Variants in GNA14 observed in about 807,000 individuals in gnomAD.
GNA14 encodes the protein G protein subunit alpha 14.
GNA14 carries 50 observed loss-of-function variants against 42.0 expected under a neutral mutation model. That is an observed-to-expected ratio of 1.19 (90% confidence interval 0.95 to 1.51). The LOEUF (loss-of-function observed/expected upper bound fraction) is 1.51. Among genes scored for constraint, GNA14 ranks in the 40% most tolerant of loss-of-function variants. The pLI is 0.00. For synonymous variants in GNA14, 173 were observed against 163.1 expected (o/e 1.06, Z -0.46); for missense variants, 473 against 446.2 (o/e 1.06, Z -0.54).
intron 2 of GNA14, among the ~76,000 whole-genome samples, chr9:77,500,780 G>GT (rs1467952490): frequency 6.6e-6 from 1 of 152,172 alleles, no homozygotes; most frequent in Non-Finnish European, 1.5e-5. Flanking sequence ...TGTGTAAATA[G>GT]TTTATTCTCA....
Position 77,431,413 on chromosome 9 carries a change from T to A in GNA14, c.501A>T (p.Ser167=), listed in dbSNP as rs201125691. 6.2e-7 allele frequency: 1 copy of A among 1,613,826 alleles called. No homozygotes were observed. The highest frequency in any genetic ancestry group is 8.5e-7 in the Non-Finnish European group (1 of 1,179,798). ...GCACATCTTGTTGGGTAGGCACGAA[T>A]GATGGTGTGGCGATGCGGTCAATGT... The part of the protein sequence containing the change: ...LTDIDRIATP[S]FVPTQQDVLR... Residue 167 remains serine, a synonymous_variant, in exon 4 of 7, where the codon TCA becomes TCT. Transcript: ENST00000341700.
chr9:77,521,906 C>T (rs1432881498), intron 2 of GNA14, among the ~76,000 whole-genome samples: 16 of 152,168 alleles, frequency 1.1e-4, no homozygotes, highest in Non-Finnish European at 1.6e-4. Flanking sequence ...GATCTTGGCT[C>T]ACTGCAACCT....
intron 2 of GNA14, among the ~76,000 whole-genome samples, chr9:77,499,453 T>C (rs1194224275): frequency 2.6e-5 from 4 of 152,048 alleles, no homozygotes; most frequent in African/African-American, 4.8e-5. Flanking sequence ...TCCATCTACA[T>C]TGTGTACATC....
intron 2 of GNA14, among the ~76,000 whole-genome samples, chr9:77,512,442 G>T (rs1176276582): frequency 6.6e-6 from 1 of 152,102 alleles, no homozygotes; most frequent in East Asian, 1.9e-4. Flanking sequence ...ACTTACCTCT[G>T]CAGAGATAAT....
At chr9:77,619,293 G>A (rs1823884771) in intron 1 of GNA14, among the ~76,000 whole-genome samples, 2 of 152,098 alleles carry the variant, frequency 1.3e-5, no homozygotes, top group Non-Finnish European at 2.9e-5. Flanking sequence ...TGCAACCTCC[G>A]CCTCCTGGGT....
At chr9:77,589,939 T>TAA (rs894475176) in intron 1 of GNA14, among the ~76,000 whole-genome samples, 97 of 152,278 alleles carry the variant, frequency 6.4e-4, no homozygotes, top group African/African-American at 2.3e-3. Context: ...TGTTTTGAGA[T>TAA]AGAGTCTTGC....
chr9:77,577,443 G>C (rs1397631519), intron 1 of GNA14, among the ~76,000 whole-genome samples: 1 of 152,158 alleles, frequency 6.6e-6, no homozygotes, highest in Non-Finnish European at 1.5e-5. Flanking sequence ...TATTTAACAA[G>C]TGGGTCTCAT....
At chr9:77,490,011 C>T (rs766271618) in intron 2 of GNA14, among the ~76,000 whole-genome samples, 13 of 151,992 alleles carry the variant, frequency 8.6e-5, no homozygotes, top group Non-Finnish European at 1.8e-4. Context: ...CTGATTGGTG[C>T]GTTTACAATC....
At chr9:77,459,815 C>T (rs574768364) in intron 2 of GNA14, among the ~76,000 whole-genome samples, 1 of 152,308 alleles carries the variant, frequency 6.6e-6, no homozygotes, top group Admixed American at 6.5e-5. Flanking sequence ...TCTCACAGCC[C>T]ACGGGGCCTA....
intron 1 of GNA14, among the ~76,000 whole-genome samples, chr9:77,611,513 C>T (rs1823731148): frequency 6.6e-6 from 1 of 152,140 alleles, no homozygotes; most frequent in African/African-American, 2.4e-5. Context: ...AAAGGAGAGT[C>T]CCTAAGAAGA....
chr9:77,639,788 T>C (rs991250759), intron 1 of GNA14, among the ~76,000 whole-genome samples: 2 of 152,214 alleles, frequency 1.3e-5, no homozygotes, highest in Non-Finnish European at 2.9e-5. Flanking sequence ...TCCACTCTAA[T>C]AAATTATTAC....
At chr9:77,589,053 G>A (rs528859266) in intron 1 of GNA14, among the ~76,000 whole-genome samples, 2 of 152,146 alleles carry the variant, frequency 1.3e-5, no homozygotes, top group African/African-American at 4.8e-5. Context: ...ATTTCATACA[G>A]ACCCTTCAAT....
chr9:77,516,887 C>G (rs1298586120), intron 2 of GNA14, among the ~76,000 whole-genome samples: 1 of 152,172 alleles, frequency 6.6e-6, no homozygotes, highest in Non-Finnish European at 1.5e-5. Context: ...GACAACCTGT[C>G]TCTTAAAGAT....
At chr9:77,543,041 GT>G (rs150247652) in intron 1 of GNA14, among the ~76,000 whole-genome samples, 1,981 of 152,326 alleles carry the variant, frequency 0.013, 63 homozygotes, top group African/African-American at 0.044. Context: ...TTAGGGAACT[GT>G]GAAACTCACA....
chr9:77,483,119 G>A (rs575075201), intron 2 of GNA14, among the ~76,000 whole-genome samples: 103 of 152,296 alleles, frequency 6.8e-4, no homozygotes, highest in African/African-American at 2.3e-3. Context: ...CTTTGGAGGA[G>A]GAGAGGTGCT....
intron 2 of GNA14, among the ~76,000 whole-genome samples, chr9:77,471,862 G>C (rs1836336067): frequency 6.6e-6 from 1 of 152,034 alleles, no homozygotes; most frequent in Admixed American, 6.6e-5. Context: ...GGAGCAGAAG[G>C]TACACACCCA....
At chr9:77,524,000 A>G (rs1258685139) in intron 2 of GNA14, among the ~76,000 whole-genome samples, 1 of 152,184 alleles carries the variant, frequency 6.6e-6, no homozygotes, top group Non-Finnish European at 1.5e-5. Flanking sequence ...TGAAATCATC[A>G]CAAGTAAACA....
chr9:77,575,096 C>A (rs181031694), intron 1 of GNA14, among the ~76,000 whole-genome samples: 68 of 152,272 alleles, frequency 4.5e-4, no homozygotes, highest in African/African-American at 1.6e-3. Context: ...CGCTTCATAC[C>A]CTTACTCAGT....
intron 5 of GNA14, among the ~76,000 whole-genome samples, chr9:77,426,230 G>A (rs895833170): frequency 6.6e-6 from 1 of 152,092 alleles, no homozygotes; most frequent in Admixed American, 6.5e-5. Context: ...CTGCTACTGG[G>A]AACCCACCCT....
Sources: allele counts gnomAD v4.1 joint callset (sites outside exome capture counted in the v4.1 genomes callset), GRCh38; gene constraint gnomAD v4.1.1; transcripts MANE v1.5; gene names NCBI Gene and HGNC (gene_info 2026-07-23, HGNC 2026-07-21).